Variants in LOC400499 observed in about 807,000 individuals in gnomAD.
At chr16:11,395,424 A>G in the LOC400499 span, among the ~76,000 whole-genome samples, 1 of 152,218 alleles carries the variant, frequency 6.6e-6, no homozygotes, top group Non-Finnish European at 1.5e-5. Flanking sequence ...CCAGGGCTCC[A>G]GTTCCATCAG....
At chr16:11,492,794 A>AT in the LOC400499 span, among the ~76,000 whole-genome samples, 1 of 152,038 alleles carries the variant, frequency 6.6e-6, no homozygotes, top group African/African-American at 2.4e-5. Context: ...CAAAAAAAAA[A>AT]AAAGTTAGGT....
chr16:11,526,841 C>T, the LOC400499 span, among the ~76,000 whole-genome samples: 1 of 152,184 alleles, frequency 6.6e-6, no homozygotes, highest in Non-Finnish European at 1.5e-5. Context: ...GCAGCATTTT[C>T]TCACTCAGGG....
the LOC400499 span, among the ~76,000 whole-genome samples, chr16:11,439,244 T>C: frequency 6.6e-6 from 1 of 151,842 alleles, no homozygotes; most frequent in Admixed American, 6.6e-5. Flanking sequence ...TTTTCAAGAG[T>C]GAAATGTGAT....
the LOC400499 span, among the ~76,000 whole-genome samples, chr16:11,468,555 C>G: frequency 0.74 from 113,042 of 152,046 alleles, 42,601 homozygotes; most frequent in Admixed American, 0.8. Context: ...CGAACTCCTA[C>G]CCTCAAGTGA....
the LOC400499 span, chr16:11,398,397 G>A: frequency 8.1e-7 from 1 of 1,232,314 alleles, no homozygotes; most frequent in Non-Finnish European, 1.0e-6. Flanking sequence ...CAGCCAGCGT[G>A]CATAGTCAGT....
At chr16:11,471,656 G>C in the LOC400499 span, 1 of 399,094 alleles carries the variant, frequency 2.5e-6, no homozygotes, top group Non-Finnish European at 4.4e-6. Context: ...GGGCCCACCT[G>C]GGGCTGCAGG....
chr16:11,499,793 G>A, the LOC400499 span, among the ~76,000 whole-genome samples: 1 of 152,144 alleles, frequency 6.6e-6, no homozygotes. Flanking sequence ...CTCACTATTA[G>A]CCGGGACAAG....
chr16:11,486,271 A>AT, the LOC400499 span, among the ~76,000 whole-genome samples: 142 of 48,098 alleles, frequency 3.0e-3, 3 homozygotes, highest in East Asian at 0.019. Context: ...GGATGGATGG[A>AT]GGGATGGATG....
At chr16:11,453,398 T>C in the LOC400499 span, among the ~76,000 whole-genome samples, 1 of 152,014 alleles carries the variant, frequency 6.6e-6, no homozygotes, top group South Asian at 2.1e-4. Context: ...GGCTTAGCAT[T>C]TGGGGGAAAG....
the LOC400499 span, chr16:11,493,540 A>C: frequency 4.4e-4 from 172 of 390,364 alleles, no homozygotes; most frequent in African/African-American, 3.3e-3. Flanking sequence ...GGTGCTCATT[A>C]AATACATGAT....
chr16:11,388,541 C>T, the LOC400499 span, among the ~76,000 whole-genome samples: 4 of 152,144 alleles, frequency 2.6e-5, no homozygotes, highest in Non-Finnish European at 4.4e-5. Flanking sequence ...TGGTGGGCCT[C>T]GTGCCTGTGA....
At chr16:11,439,638 A>T in the LOC400499 span, 1 of 398,958 alleles carries the variant, frequency 2.5e-6, no homozygotes, top group Non-Finnish European at 4.4e-6. Flanking sequence ...GATGCAGAAC[A>T]CTAGGAGGTG....
the LOC400499 span, chr16:11,401,962 C>T: frequency 2.5e-6 from 1 of 398,856 alleles, no homozygotes; most frequent in Non-Finnish European, 4.4e-6. Flanking sequence ...CAGGGGAGGG[C>T]CCCAAAGACC....
At chr16:11,374,451 C>G in the LOC400499 span, among the ~76,000 whole-genome samples, 1 of 152,164 alleles carries the variant, frequency 6.6e-6, no homozygotes, top group Non-Finnish European at 1.5e-5. Flanking sequence ...TAAATACTGC[C>G]AAACTGAAAC....
chr16:11,438,222 G>A, the LOC400499 span, among the ~76,000 whole-genome samples: 1 of 152,146 alleles, frequency 6.6e-6, no homozygotes, highest in Non-Finnish European at 1.5e-5. Flanking sequence ...TGGTTAATAT[G>A]ATGACATTTC....
chr16:11,487,116 T>G, the LOC400499 span: 2 of 396,550 alleles, frequency 5.0e-6, no homozygotes, highest in East Asian at 3.6e-5. Context: ...GACATATCTA[T>G]GGGCAGGTGG....
chr16:11,420,600 C>A, the LOC400499 span, among the ~76,000 whole-genome samples: 3 of 76,550 alleles, frequency 3.9e-5, no homozygotes, highest in South Asian at 4.3e-4. Flanking sequence ...ATAATAAACC[C>A]CCCCCCCCGG....
the LOC400499 span, among the ~76,000 whole-genome samples, chr16:11,413,676 G>C: frequency 2.6e-5 from 4 of 152,204 alleles, no homozygotes; most frequent in African/African-American, 9.7e-5. Context: ...GTGTGACCCA[G>C]AGATGATGAT....
At chr16:11,389,297 A>G in the LOC400499 span, among the ~76,000 whole-genome samples, 1 of 152,216 alleles carries the variant, frequency 6.6e-6, no homozygotes, top group Admixed American at 6.5e-5. Flanking sequence ...CGTATAGCTC[A>G]GGGGTGGTAA....
Sources: gnomAD v4.1 joint callset for allele counts (sites outside exome capture counted in the v4.1 genomes callset) on GRCh38, gnomAD v4.1.1 for gene constraint, MANE v1.5 for transcripts.